The following ABCG1 variants were observed in gnomAD, a reference collection of about 807,000 sequenced individuals.
The protein encoded by ABCG1 is ATP binding cassette subfamily G member 1.
ABCG1 carries 29 observed loss-of-function variants against 69.2 expected under a neutral mutation model. The ratio of observed to expected loss-of-function variants is 0.42; its 90% CI spans 0.31 to 0.57. The LOEUF is 0.57. Among genes scored for constraint, ABCG1 ranks in the 20% least tolerant of loss-of-function variants. ABCG1 has a pLI of 0.15. For missense variants in ABCG1, 718 were observed against 898.1 expected (o/e 0.80, Z 2.56); for synonymous variants, 370 against 374.8 (o/e 0.99, Z 0.15).
Position 42,288,220 on chromosome 21 carries a change from T to C in ABCG1, c.1132T>C (p.Ser378Pro). The stretch of plus-strand genomic sequence containing the variant: ...TTGCGTGTGTCCTCAGGACTCCTCG[T>C]CCATGGAAGGCTGCCACAGCTTCTC... ...WHRPSEEDSS[S>P]MEGCHSFSAS... Residue 378 changes from serine to proline, a missense_variant, in exon 10 of 15, where the codon TCC (serine) becomes CCC (proline). This residue lies in a region of ABCG1 where 514 missense variants were observed against 574.3 expected (regional missense o/e 0.90). Coordinates refer to ENST00000398449, the MANE Select transcript of ABCG1 (RefSeq NM_016818.3). This position sits in a 1 kb window ranked among gnomAD's most constrained non-coding sequence, Gnocchi z 4.8. 6.2e-7 allele frequency: 1 copy of C among 1,614,144 alleles called. No homozygotes were observed. Among genetic ancestry groups the C allele is most frequent in the South Asian group, 1.1e-5 (1 of 91,082 alleles).
intron 2 of ABCG1, among the ~76,000 whole-genome samples, chr21:42,243,443 T>TGC (rs369452223): frequency 8.2e-4 from 73 of 89,480 alleles, no homozygotes; most frequent in Non-Finnish European, 1.4e-3. Context: ...ACCGTGTGTG[T>TGC]GCGCGTGTGT....
intron 13 of ABCG1, among the ~76,000 whole-genome samples, chr21:42,292,434 C>T (rs979409397): frequency 1.3e-5 from 2 of 152,060 alleles, no homozygotes; most frequent in South Asian, 2.1e-4. Context: ...TGCTGCAACC[C>T]GTGTGCCCCA....
At chr21:42,270,831 A>G (rs542414024) in intron 2 of ABCG1, among the ~76,000 whole-genome samples, 1 of 152,340 alleles carries the variant, frequency 6.6e-6, no homozygotes, top group East Asian at 1.9e-4. Context: ...TGTGAGCTCT[A>G]AAGCATTACA....
rs78197526 is a variant in ABCG1 at position 42,236,181 on chromosome 21, C to T, written c.286+10267C>T. On this transcript the variant is annotated intron_variant, in intron 2 of 14. Coordinates refer to ENST00000398449, the MANE Select transcript of ABCG1 (RefSeq NM_016818.3). ...CCTTGGGAATCTGCAGCGTTGGCTC[C>T]GCTAAGCCGGCTGGAATCCGGAGAT... 7.1e-4 allele frequency among the ~76,000 whole-genome samples: 108 copies of T among 152,300 alleles called. 1 individual carries two copies. The East Asian group carries it at 0.012, about 16-fold the overall frequency.
intron 2 of ABCG1, among the ~76,000 whole-genome samples, chr21:42,240,078 T>C (rs1246605156): frequency 6.6e-6 from 1 of 152,178 alleles, no homozygotes. Context: ...GAACGCTGTG[T>C]GTGCTCATCT....
intron 14 of ABCG1, chr21:42,294,942 G>A (rs1049714061): frequency 2.6e-6 from 1 of 378,556 alleles, no homozygotes; most frequent in Non-Finnish European, 5.0e-6. Flanking sequence ...GCCTTCGGTG[G>A]AAGCGCTTCC....
chr21:42,200,870 T>C (rs1482174874), intron 1 of ABCG1, among the ~76,000 whole-genome samples: 1 of 152,190 alleles, frequency 6.6e-6, no homozygotes, highest in African/African-American at 2.4e-5. Context: ...ATTACAGGCA[T>C]GAACCACCAC....
chr21:42,205,865 A>G (rs1195526002), intron 2 of ABCG1, among the ~76,000 whole-genome samples: 1 of 152,170 alleles, frequency 6.6e-6, no homozygotes, highest in Non-Finnish European at 1.5e-5. Flanking sequence ...TGTGTCCCAC[A>G]AATTTTGATA....
In ABCG1 at chr21:42,296,951, T is replaced by C; in HGVS notation, c.*559T>C. 1 of 161,906 alleles carries C rather than the reference T, an allele frequency of 6.2e-6. No homozygotes were observed. Among genetic ancestry groups the C allele is most frequent in the South Asian group, 1.7e-4 (1 of 5,970 alleles). 10.0% of individuals were successfully genotyped at this position (161,906 alleles called of 1,614,324 possible). A position where few individuals can be genotyped will look rare whatever the true frequency, so the allele number is the denominator to read the frequency against. ...CAATCGCATTCATTTTAAGAAATTATACCTTTTTAGTACTTGCTGAAGAAT... is the reference window on the plus strand; with the variant it reads ...CAATCGCATTCATTTTAAGAAATTACACCTTTTTAGTACTTGCTGAAGAAT... On this transcript the variant is annotated 3_prime_UTR_variant, in exon 15 of 15. Transcript: ENST00000398449. The surrounding 1 kb of genome is among the most constrained non-coding windows in gnomAD (Gnocchi z 5.4).
At chr21:42,248,062 A>G (rs1209970533) in intron 2 of ABCG1, among the ~76,000 whole-genome samples, 4 of 152,230 alleles carry the variant, frequency 2.6e-5, no homozygotes, top group African/African-American at 9.7e-5. Context: ...AAGAAAAGGA[A>G]GCAAAGATGG....
intron 2 of ABCG1, among the ~76,000 whole-genome samples, chr21:42,247,442 C>T (rs1215382923): frequency 2.0e-5 from 3 of 152,162 alleles, no homozygotes; most frequent in Non-Finnish European, 4.4e-5. Context: ...GGGCAGAACC[C>T]GGGGGCACCC....
chr21:42,240,836 G>A (rs112766848), intron 2 of ABCG1, among the ~76,000 whole-genome samples: 1,951 of 152,384 alleles, frequency 0.013, 30 homozygotes, highest in Admixed American at 0.02. Context: ...TGCCAGCCAG[G>A]TCTCATGACC....
In ABCG1 at chr21:42,288,325, G is replaced by T. The variant is rs546958822; in HGVS notation, c.1224+13G>T. On this transcript the variant is annotated intron_variant, in intron 10 of 14. Transcript: ENST00000398449. This position sits in a 1 kb window ranked among gnomAD's most constrained non-coding sequence, Gnocchi z 4.8. ...CATGAGGGACTCGGTAAGGCTGCCCGCATCTTCTCCTGTAGCTGGGGAACC... is the reference window on the plus strand; with the variant it reads ...CATGAGGGACTCGGTAAGGCTGCCCTCATCTTCTCCTGTAGCTGGGGAACC... The T allele has an allele frequency of 2.1e-6, 3 of 1,421,816 alleles. No individual in the cohort carries two copies. Among genetic ancestry groups the T allele is most frequent in the Non-Finnish European group, 3.0e-6 (3 of 1,016,474 alleles). 88.1% of individuals were successfully genotyped at this position (1,421,816 alleles called of 1,614,324 possible). A position where few individuals can be genotyped will look rare whatever the true frequency, so the allele number is the denominator to read the frequency against.
At position 42,247,344 on chromosome 21, in the gene ABCG1, T is replaced by C. The variant is rs374370460; in HGVS notation, c.286+21430T>C. On this transcript the variant is annotated intron_variant, in intron 2 of 14. Coordinates refer to ENST00000398449, the MANE Select transcript of ABCG1 (RefSeq NM_016818.3). ...ATCAGGCAGGGGTTATCTAAGACAGTGAATAATGCCCAGAGAAGGGTTATA... is the reference window on the plus strand; with the variant it reads ...ATCAGGCAGGGGTTATCTAAGACAGCGAATAATGCCCAGAGAAGGGTTATA... Among the ~76,000 whole-genome samples the C allele has an allele frequency of 2.0e-4, 31 of 152,270 alleles. 1 individual carries two copies. In the East Asian group the frequency reaches 5.4e-3, roughly 26 times the overall value.
Position 42,271,100 on chromosome 21 carries a change from G to C in ABCG1, c.317G>C (p.Gly106Ala). 6.4e-7 allele frequency: 1 copy of C among 1,563,030 alleles called. No homozygotes were observed. Among genetic ancestry groups the C allele is most frequent in the Non-Finnish European group, 8.6e-7 (1 of 1,158,938 alleles). The change falls in exon 3 of 15, where the codon GGG (glycine) becomes GCG (alanine). Residue 106 changes from glycine to alanine, a missense_variant. Gly to Ala is a moderately conservative substitution (Grantham distance 60, BLOSUM62 0). Coordinates refer to ENST00000398449, the MANE Select transcript of ABCG1 (RefSeq NM_016818.3). ...GYKTLLKGISGKFNSGELVAI... is the reference protein window; with the variant it reads ...GYKTLLKGISAKFNSGELVAI... ...AAGACCCTCCTGAAAGGAATTTCCG[G>C]GAAGTTCAATAGTGGTGAGTTGGTG...
intron 2 of ABCG1, among the ~76,000 whole-genome samples, chr21:42,257,844 C>T (rs2068331145): frequency 6.6e-6 from 1 of 152,288 alleles, no homozygotes; most frequent in Middle Eastern, 3.4e-3. Context: ...AGATCCTTCC[C>T]TCCATCCATC....
At chr21:42,282,707 C>G (rs552382434) in intron 6 of ABCG1, among the ~76,000 whole-genome samples, 1 of 152,368 alleles carries the variant, frequency 6.6e-6, no homozygotes, top group East Asian at 1.9e-4. Flanking sequence ...CCAAGTTCCC[C>G]GTGGCTCAGC....
chr21:42,218,362 C>T (rs2067665879), upstream of ABCG1, among the ~76,000 whole-genome samples: 1 of 152,176 alleles, frequency 6.6e-6, no homozygotes, highest in Non-Finnish European at 1.5e-5. Context: ...AGATGCTGGA[C>T]CATCTGATAT....
In ABCG1 at chr21:42,291,582, G is replaced by A. The variant is rs769557787; in HGVS notation, c.1579G>A (p.Ala527Thr). Residue 527 changes from alanine (A) to threonine (T), a missense_variant, in exon 13 of 15, where the codon GCG becomes ACG. By Grantham distance (58) the Ala-to-Thr change is moderately conservative. Around this residue, in one of 2 missense-constraint regions of ABCG1, gnomAD observed 204 missense variants for 323.8 expected, o/e 0.63. Coordinates refer to ENST00000398449, the MANE Select transcript of ABCG1 (RefSeq NM_016818.3). The surrounding 1 kb of genome is among the most constrained non-coding windows in gnomAD (Gnocchi z 6.4). ...SDAVRFVLFA[A>T]LGTMTSLVAQ... The stretch of plus-strand genomic sequence containing the variant: ...CGCCGTGCGCTTTGTGCTGTTTGCC[G>A]CGCTGGGCACCATGACCTCCCTGGT... The A allele has an allele frequency of 1.5e-5, 24 of 1,612,546 alleles. No homozygotes were observed. Among genetic ancestry groups the A allele is most frequent in the Middle Eastern group, 1.7e-4 (1 of 6,058 alleles).
Sources: allele counts gnomAD v4.1 joint callset (sites outside exome capture counted in the v4.1 genomes callset), GRCh38; gene constraint gnomAD v4.1.1; regional missense constraint gnomAD v4.1.1; non-coding constraint Gnocchi (gnomAD v3.1); transcripts MANE v1.5; gene names NCBI Gene and HGNC (gene_info 2026-07-23, HGNC 2026-07-21).